CTSC: variants seen among roughly 807,000 people sequenced by gnomAD.
CTSC encodes the protein cathepsin C.
A neutral mutation model predicts 40.9 loss-of-function variants in CTSC; 37 were observed. The ratio of observed to expected loss-of-function variants is 0.91; its 90% CI spans 0.70 to 1.19. The LOEUF (loss-of-function observed/expected upper bound fraction) is 1.19, where lower values mean the gene tolerates loss of function less well. CTSC is among the 50% of genes most tolerant of loss of function. CTSC has a pLI of 0.00. For synonymous variants in CTSC, 232 were observed against 207.4 expected (o/e 1.12, Z -1.02); for missense variants, 594 against 567.3 (o/e 1.05, Z -0.48).
At chr11:88,296,408 T>C in intron 5 of CTSC, 144 bp from the exon 6 acceptor site, 1 of 988,912 alleles carries the variant, frequency 1.0e-6, no homozygotes, top group Admixed American at 2.0e-5. Context: ...AAGACTCAAC[T>C]AACAAGCATT....
chr11:88,327,455 A>G (rs1271138263), intron 2 of CTSC, among the ~76,000 whole-genome samples: 1 of 152,172 alleles, frequency 6.6e-6, no homozygotes, highest in African/African-American at 2.4e-5. Context: ...TTTACTCTCT[A>G]ATCACCTATT....
At position 88,294,019 on chromosome 11, in the gene CTSC, A is replaced by G; in HGVS notation, c.1379T>C (p.Ile460Thr). The change falls in exon 7 of 7, where the codon ATT becomes ACT. Residue 460 changes from isoleucine (I) to threonine (T), a missense_variant. Transcript: ENST00000227266. ...GGAAGGCATACCCTACAATTTAGGAATTGGTGTGGCTGCCACTGCTATGCT... is the reference window on the plus strand; with the variant it reads ...GGAAGGCATACCCTACAATTTAGGAGTTGGTGTGGCTGCCACTGCTATGCT... Reference protein sequence around the residue: ...IESIAVAATPIPKL With the variant: ...IESIAVAATPTPKL 1 of 1,613,964 alleles carries G rather than the reference A, an allele frequency of 6.2e-7. No homozygotes were observed. The highest frequency in any genetic ancestry group is 2.2e-5 in the East Asian group (1 of 44,882).
chr11:88,310,916 T>C (rs1937741814), intron 3 of CTSC, among the ~76,000 whole-genome samples: 1 of 152,222 alleles, frequency 6.6e-6, no homozygotes, highest in South Asian at 2.1e-4. Flanking sequence ...GCTTGCTTTA[T>C]CATAACATCT....
At chr11:88,324,570 C>T in intron 2 of CTSC, 1 of 982,844 alleles carries the variant, frequency 1.0e-6, no homozygotes, top group Non-Finnish European at 1.2e-6. Flanking sequence ...AACTGTGGTG[C>T]ATTTTCCAGG....
chr11:88,302,978 G>T (rs1944385053), intron 4 of CTSC, among the ~76,000 whole-genome samples: 1 of 152,090 alleles, frequency 6.6e-6, no homozygotes, highest in African/African-American at 2.4e-5. Context: ...GTGCCTCATA[G>T]GTAATTTTAT....
Position 88,293,779 on chromosome 11 carries a change from C to A in CTSC, c.*227G>T. ...GCAAACTCTATTACTTCATAGCTGA[C>A]CATCTTCCAGAAAATTCCCACTTAA... On this transcript the variant is annotated 3_prime_UTR_variant, in exon 7 of 7. Coordinates refer to ENST00000227266, the MANE Select transcript of CTSC (RefSeq NM_001814.6). The A allele has an allele frequency of 1.7e-6, 1 of 586,084 alleles. No homozygotes were observed. The highest frequency in any genetic ancestry group is 3.0e-6 in the Non-Finnish European group (1 of 328,942). The allele number at this position is 586,084 out of a possible 1,614,324, so 36.3% of individuals were successfully genotyped here. A position where few individuals can be genotyped will look rare whatever the true frequency, so the allele number is the denominator to read the frequency against.
At chr11:88,326,220 C>G (rs1938181119) in intron 2 of CTSC, 1 of 1,415,664 alleles carries the variant, frequency 7.1e-7, no homozygotes, top group Non-Finnish European at 9.2e-7. Context: ...TACTGTTTTC[C>G]AAGGGAGTGT....
intron 4 of CTSC, among the ~76,000 whole-genome samples, chr11:88,306,593 A>C (rs1449178624): frequency 6.6e-6 from 1 of 152,194 alleles, no homozygotes; most frequent in East Asian, 1.9e-4. Flanking sequence ...CCAGAGGAGA[A>C]CAGGAACAAG....
At chr11:88,304,172 T>C (rs532174314) in intron 4 of CTSC, among the ~76,000 whole-genome samples, 4 of 152,292 alleles carry the variant, frequency 2.6e-5, no homozygotes, top group Middle Eastern at 6.8e-3. Context: ...GTGTAACATT[T>C]GGCAAGGAAC....
chr11:88,307,595 CAT>C (rs1168178619), intron 4 of CTSC, among the ~76,000 whole-genome samples: 3 of 113,726 alleles, frequency 2.6e-5, no homozygotes, highest in African/African-American at 1.0e-4. Context: ...GACATCAAAG[CAT>C]AGAGAGGATT....
chr11:88,312,633 CAG>C, intron 2 of CTSC, 79 bp from the exon 3 acceptor site: 14 of 1,442,838 alleles, frequency 9.7e-6, no homozygotes, highest in Non-Finnish European at 1.3e-5. Context: ...CTCTCATTCA[CAG>C]TAAATGTGCC....
intron 5 of CTSC, chr11:88,298,572 T>A (rs997392474): frequency 3.9e-5 from 6 of 152,230 alleles, no homozygotes; most frequent in Non-Finnish European, 8.8e-5. Context: ...AGTAGCCCAA[T>A]TAGCAGGAAG....
chr11:88,326,107 T>C, intron 2 of CTSC: 1 of 1,285,948 alleles, frequency 7.8e-7, no homozygotes, highest in African/African-American at 1.5e-5. Context: ...GTTCCTTTTA[T>C]TAAAAAACTG....
intron 2 of CTSC, among the ~76,000 whole-genome samples, chr11:88,332,896 C>T (rs1938400161): frequency 6.6e-6 from 1 of 152,226 alleles, no homozygotes; most frequent in African/African-American, 2.4e-5. Flanking sequence ...CCTCCAACAG[C>T]ATATATATTA....
chr11:88,298,943 T>C (rs1327080459), intron 5 of CTSC: 1 of 152,204 alleles, frequency 6.6e-6, no homozygotes, highest in Non-Finnish European at 1.5e-5. Flanking sequence ...TTCTACCTTC[T>C]CTTATGTTAC....
Position 88,337,535 on chromosome 11 carries a change from G to A in CTSC, c.138C>T (p.Ser46=). The A allele has an allele frequency of 6.3e-7, 1 of 1,576,474 alleles. No homozygotes were observed. The highest frequency in any genetic ancestry group is 8.6e-7 in the Non-Finnish European group (1 of 1,160,158). The change falls in exon 1 of 7, where the codon AGC becomes AGT. Residue 46 remains serine, a synonymous_variant. Coordinates refer to ENST00000227266, the MANE Select transcript of CTSC (RefSeq NM_001814.6). ...LGTWVFQVGS[S]GSQRDVNCSV... is the part of the protein sequence containing the mutation. ...AGCAGTTGACATCGCGCTGGGAACC[G>A]CTGGAGCCCACCTGGAAGACCCAGG...
intron 2 of CTSC, chr11:88,324,690 T>G: frequency 1.0e-6 from 1 of 985,190 alleles, no homozygotes. Context: ...CATTACAGCA[T>G]GGCATGAAAG....
chr11:88,332,730 A>G (rs1386989533), intron 2 of CTSC, among the ~76,000 whole-genome samples: 1 of 152,224 alleles, frequency 6.6e-6, no homozygotes, highest in Admixed American at 6.5e-5. Context: ...GAAAAAGAAA[A>G]CATGGCCCTG....
At chr11:88,323,945 C>T (rs1225182542) in intron 2 of CTSC, 4 of 152,160 alleles carry the variant, frequency 2.6e-5, no homozygotes, top group African/African-American at 4.8e-5. Flanking sequence ...AAAAAAAGCT[C>T]GTATAGCCAA....
Sources: gnomAD v4.1 joint callset for allele counts (sites outside exome capture counted in the v4.1 genomes callset) on GRCh38, gnomAD v4.1.1 for gene constraint, MANE v1.5 for transcripts, NCBI Gene and HGNC (gene_info 2026-07-23, HGNC 2026-07-21) for gene names.